The following AP3S2 variants were observed in gnomAD, a reference collection of about 807,000 sequenced individuals.
AP3S2 encodes the protein adaptor related protein complex 3 subunit sigma 2.
Under a neutral mutation model 23.4 loss-of-function variants are expected in AP3S2, and 22 were observed. That is an observed-to-expected ratio of 0.94 (90% CI 0.67 to 1.34). AP3S2 has a LOEUF of 1.34. AP3S2 is among the 40% of genes most tolerant of loss of function. The probability of loss-of-function intolerance (pLI) is 0.00; values close to 1 mark genes in which losing one functional copy is unlikely to be tolerated. For missense variants in AP3S2, 241 were observed against 236.9 expected, an observed-to-expected ratio of 1.02 and a Z score of -0.11; for synonymous variants, 86 against 87.1, an observed-to-expected ratio of 0.99 and a Z score of 0.07.
chr15:89,873,831 A>G (rs897955682), intron 3 of AP3S2, among the ~76,000 whole-genome samples: 2 of 149,952 alleles, frequency 1.3e-5, no homozygotes, highest in Non-Finnish European at 3.0e-5. Flanking sequence ...TAATTAATAA[A>G]TGGGTCTTAT....
At position 89,835,538 on chromosome 15, in the gene AP3S2, G is replaced by A. The variant is rs770629170; in HGVS notation, c.559C>T (p.Pro187Ser). 5.6e-6 allele frequency: 9 copies of A among 1,613,728 alleles called. No homozygotes were observed. The highest frequency in any genetic ancestry group is 6.8e-6 in the Non-Finnish European group (8 of 1,179,990). ...CCTCAGACAAACTGGGACAGGTTGGGAACTTTGATGTTGAGATCGCCAATG... is the reference window on the plus strand; with the variant it reads ...CCTCAGACAAACTGGGACAGGTTGGAAACTTTGATGTTGAGATCGCCAATG... Reference protein sequence around the residue: ...INIGDLNIKVPNLSQFV With the variant: ...INIGDLNIKVSNLSQFV The change falls in exon 6 of 6, where the codon CCC becomes TCC. Residue 187 changes from proline (P) to serine (S), a missense_variant. Coordinates refer to ENST00000336418, the MANE Select transcript of AP3S2 (RefSeq NM_005829.5).
rs914255234 is a variant in AP3S2 at position 89,859,864 on chromosome 15, T to C, written c.345+11611A>G. Reference sequence around the variant, plus strand: ...CTGCAAGCTCCGCCTCCAGGGTTCATGCCATTCTCCTGCCTCAGCCTCCAG... The same window carrying C: ...CTGCAAGCTCCGCCTCCAGGGTTCACGCCATTCTCCTGCCTCAGCCTCCAG... On this transcript the variant is annotated intron_variant, in intron 4 of 5. Coordinates refer to ENST00000336418, the MANE Select transcript of AP3S2 (RefSeq NM_005829.5). 1.3e-4 allele frequency among the ~76,000 whole-genome samples: 20 copies of C among 150,752 alleles called. No individual in the cohort carries two copies. In the Admixed American group the frequency reaches 1.3e-3, roughly 10 times the overall value.
At chr15:89,881,213 G>A (rs1000670774) in intron 3 of AP3S2, among the ~76,000 whole-genome samples, 2 of 152,302 alleles carry the variant, frequency 1.3e-5, no homozygotes, top group African/African-American at 4.8e-5. Context: ...GCGTGTATAC[G>A]GTGAGGGGAG....
At chr15:89,844,217 TTC>T (rs766980176) in intron 4 of AP3S2, among the ~76,000 whole-genome samples, 2 of 14,528 alleles carry the variant, frequency 1.4e-4, no homozygotes, top group Non-Finnish European at 3.0e-4. Context: ...TTCTCTTTCT[TTC>T]TTTCTTTCTT....
chr15:89,892,759 G>T (rs1239854395), intron 1 of AP3S2, among the ~76,000 whole-genome samples: 1 of 152,200 alleles, frequency 6.6e-6, no homozygotes, highest in African/African-American at 2.4e-5. Context: ...CGCCTCCCGG[G>T]CTCACGCCAT....
chr15:89,859,342 T>C (rs1262178051), intron 4 of AP3S2, among the ~76,000 whole-genome samples: 1 of 148,230 alleles, frequency 6.7e-6, no homozygotes, highest in Non-Finnish European at 1.5e-5. Flanking sequence ...CTTCCTTTCC[T>C]TCCTTCCTTC....
chr15:89,866,774 C>A (rs974513733), intron 4 of AP3S2, among the ~76,000 whole-genome samples: 1 of 151,128 alleles, frequency 6.6e-6, no homozygotes, highest in Admixed American at 6.6e-5. Flanking sequence ...GGCCCCTAGA[C>A]AACATCTATA....
intron 4 of AP3S2, among the ~76,000 whole-genome samples, chr15:89,843,509 G>T (rs1439513552): frequency 6.6e-6 from 1 of 151,984 alleles, no homozygotes; most frequent in Non-Finnish European, 1.5e-5. Flanking sequence ...GTGGTGGCAT[G>T]CACCTGTAAT....
At chr15:89,858,455 AAAAGAAAGAAAGAAAG>A (rs769434767) in intron 4 of AP3S2, among the ~76,000 whole-genome samples, 4 of 131,186 alleles carry the variant, frequency 3.0e-5, no homozygotes, top group East Asian at 2.2e-4. Context: ...AAAAGAAAGA[AAAAGAAAGAAAGAAAG>A]AAAGAAAGAA....
intron 4 of AP3S2, among the ~76,000 whole-genome samples, chr15:89,851,412 C>G (rs1895650677): frequency 6.6e-6 from 1 of 151,928 alleles, no homozygotes; most frequent in South Asian, 2.1e-4. Context: ...GATCTCAGCT[C>G]ACTGCAACCT....
chr15:89,869,758 GT>G (rs1251254843), intron 4 of AP3S2, among the ~76,000 whole-genome samples: 102 of 142,854 alleles, frequency 7.1e-4, no homozygotes, highest in African/African-American at 6.4e-4. Context: ...CAATTTGGTT[GT>G]TTTTTTTTTT....
rs1293358801 is a variant in AP3S2, at chr15:89,871,508, C to A, written c.312G>T (p.Val104=). The change falls in exon 4 of 6, where the codon GTG becomes GTT. Residue 104 remains valine, a synonymous_variant. Coordinates refer to ENST00000336418, the MANE Select transcript of AP3S2 (RefSeq NM_005829.5). ...VETLDKCFEN[V]CELDLIFHMD... is the part of the protein sequence containing the mutation. ...TATGGAAGATCAAATCCAATTCACACACATTTTCGAAACACTTATCCAGAG... is the reference window on the plus strand; with the variant it reads ...TATGGAAGATCAAATCCAATTCACAAACATTTTCGAAACACTTATCCAGAG... 1 of 1,613,736 alleles carries A rather than the reference C, an allele frequency of 6.2e-7. No individual in the cohort carries two copies. The highest frequency in any genetic ancestry group is 8.5e-7 in the Non-Finnish European group (1 of 1,179,928).
chr15:89,871,445 A>T (rs781319053), intron 4 of AP3S2, 30 bp downstream of exon 4: 25 of 1,598,728 alleles, frequency 1.6e-5, no homozygotes, highest in Non-Finnish European at 2.0e-5. Context: ...TAGTAACCCT[A>T]GTTTGGAAGA....
At chr15:89,885,661 G>A (rs1896680293) in intron 3 of AP3S2, among the ~76,000 whole-genome samples, 1 of 152,056 alleles carries the variant, frequency 6.6e-6, no homozygotes, top group African/African-American at 2.4e-5. Flanking sequence ...TCAAAGATCA[G>A]ATGGGTCCAG....
intron 3 of AP3S2, among the ~76,000 whole-genome samples, chr15:89,882,483 G>T (rs1317149911): frequency 6.6e-6 from 1 of 151,802 alleles, no homozygotes; most frequent in Non-Finnish European, 1.5e-5. Context: ...AGCCTCCTGA[G>T]TAGCTACGAT....
Position 89,835,620 on chromosome 15 carries a change from C to A in AP3S2, c.477G>T (p.Ala159=). The change falls in exon 6 of 6, where the codon GCG becomes GCT. Residue 159 remains alanine (A), a synonymous_variant. Coordinates refer to ENST00000336418, the MANE Select transcript of AP3S2 (RefSeq NM_005829.5). The part of the protein sequence containing the change: ...KSEGGLSAAP[A]RAVSAVKNIN... ...TGTTTTTCACAGCAGACACAGCCCGCGCAGGGGCTGCTGAAAGGCCACCCT... is the reference window on the plus strand; with the variant it reads ...TGTTTTTCACAGCAGACACAGCCCGAGCAGGGGCTGCTGAAAGGCCACCCT... 6.2e-7 allele frequency: 1 copy of A among 1,610,652 alleles called. No homozygotes were observed. Among genetic ancestry groups the A allele is most frequent in the Non-Finnish European group, 8.5e-7 (1 of 1,179,288 alleles).
At chr15:89,871,330 T>C (rs1896313571) in intron 4 of AP3S2, 145 bp downstream of exon 4, 1 of 692,990 alleles carries the variant, frequency 1.4e-6, no homozygotes, top group African/African-American at 1.9e-5. Context: ...AACTATTAAA[T>C]CTATTAAATA....
intron 4 of AP3S2, among the ~76,000 whole-genome samples, chr15:89,839,629 A>G (rs750186325): frequency 2.6e-5 from 4 of 152,214 alleles, no homozygotes; most frequent in South Asian, 2.1e-4. Context: ...TAAAAACAGA[A>G]TTACCATATG....
chr15:89,867,622 GC>G (rs1188068201), intron 4 of AP3S2, among the ~76,000 whole-genome samples: 60 of 131,902 alleles, frequency 4.5e-4, no homozygotes, highest in African/African-American at 1.7e-3. Flanking sequence ...TCTCTGCCCG[GC>G]CGCCCATCGT....
Sources: gnomAD v4.1 joint callset for allele counts (sites outside exome capture counted in the v4.1 genomes callset) on GRCh38, gnomAD v4.1.1 for gene constraint, MANE v1.5 for transcripts, NCBI Gene and HGNC (gene_info 2026-07-23, HGNC 2026-07-21) for gene names.